DLG2: variants seen among roughly 807,000 people sequenced by gnomAD.
DLG2 encodes the protein discs large MAGUK scaffold protein 2, also known as disks large homolog 2.
Under a neutral mutation model 132.5 loss-of-function variants are expected in DLG2, and 45 were observed. The observed-to-expected ratio is 0.34, with a 90% CI of 0.27 to 0.44. The LOEUF (loss-of-function observed/expected upper bound fraction) is 0.44, where lower values mean the gene tolerates loss of function less well. DLG2 is among the 20% of genes least tolerant of loss of function. The pLI, the probability that DLG2 is intolerant of heterozygous loss-of-function variation, is 1.00. For synonymous variants in DLG2, 424 were observed against 419.6 expected, an observed-to-expected ratio of 1.01 and a Z score of -0.13; for missense variants, 1,045 against 1,196.9, an observed-to-expected ratio of 0.87 and a Z score of 1.87.
At chr11:85,563,821 T>A (rs910636428) in intron 3 of DLG2, among the ~76,000 whole-genome samples, 1 of 152,088 alleles carries the variant, frequency 6.6e-6, no homozygotes, top group African/African-American at 2.4e-5. Flanking sequence ...TTCATTTCCC[T>A]TAGGTAAATA....
At chr11:84,439,858 G>T (rs118180487) in intron 7 of DLG2, among the ~76,000 whole-genome samples, 1 of 152,142 alleles carries the variant, frequency 6.6e-6, no homozygotes, top group African/African-American at 2.4e-5. Flanking sequence ...TAACACCTTA[G>T]ACAGAATCAG....
At chr11:85,180,956 C>A (rs1302779326) in intron 4 of DLG2, among the ~76,000 whole-genome samples, 1 of 151,684 alleles carries the variant, frequency 6.6e-6, no homozygotes, top group Admixed American at 6.6e-5. Flanking sequence ...TTCCAAAATC[C>A]ATTCTGTTTC....
rs550362605 is a variant in DLG2 at position 84,935,891 on chromosome 11, T to C, written c.357+175770A>G. Reference sequence around the variant, plus strand: ...GCCTATCTTCAGAGTAAAACCTCCCTGACTTTTGTCTATAGGTCAGGTCTA... The same window carrying C: ...GCCTATCTTCAGAGTAAAACCTCCCCGACTTTTGTCTATAGGTCAGGTCTA... On this transcript the variant is annotated intron_variant, in intron 6 of 27. Transcript: ENST00000376104. Among the ~76,000 whole-genome samples the C allele has an allele frequency of 1.3e-4, 20 of 152,364 alleles. 1 individual carries two copies. The South Asian group carries it at 4.1e-3, about 32-fold the overall frequency.
At chr11:85,407,663 C>T (rs143868174) in intron 3 of DLG2, among the ~76,000 whole-genome samples, 87 of 151,772 alleles carry the variant, frequency 5.7e-4, no homozygotes, top group African/African-American at 2.0e-3. Flanking sequence ...GAGTATGTTA[C>T]CACACCAACT....
intron 6 of DLG2, among the ~76,000 whole-genome samples, chr11:84,562,344 A>C (rs1465386660): frequency 6.6e-6 from 1 of 152,038 alleles, no homozygotes; most frequent in Non-Finnish European, 1.5e-5. Flanking sequence ...TTTTAAAAAG[A>C]AAAAAAATTG....
intron 7 of DLG2, among the ~76,000 whole-genome samples, chr11:84,505,782 G>A (rs1591100574): frequency 6.6e-6 from 1 of 151,960 alleles, no homozygotes; most frequent in African/African-American, 2.4e-5. Context: ...GACATATGGG[G>A]AACAAGAAAT....
chr11:85,081,633 G>A (rs896888597), intron 6 of DLG2, among the ~76,000 whole-genome samples: 8 of 152,156 alleles, frequency 5.3e-5, no homozygotes, highest in Non-Finnish European at 1.0e-4. Context: ...GACAGGTGGT[G>A]GCTGGTCTTG....
Position 83,946,531 on chromosome 11 carries a change from G to A in DLG2, c.1341-16048C>T, listed in dbSNP as rs146337015. Among the ~76,000 whole-genome samples, 10 of 152,184 alleles carry A rather than the reference G, an allele frequency of 6.6e-5. No homozygotes were observed. The East Asian group carries it at 1.7e-3, about 26-fold the overall frequency. ...AGAGTTGAGAACTACAATTAGACCCGCTCTTTTTGAAAAAGGTCGGAAATA... is the reference window on the plus strand; with the variant it reads ...AGAGTTGAGAACTACAATTAGACCCACTCTTTTTGAAAAAGGTCGGAAATA... On this transcript the variant is annotated intron_variant, in intron 14 of 27. Coordinates refer to ENST00000376104, the MANE Select transcript of DLG2 (RefSeq NM_001142699.3).
intron 7 of DLG2, among the ~76,000 whole-genome samples, chr11:84,396,655 G>C (rs2098812117): frequency 6.6e-6 from 1 of 152,224 alleles, no homozygotes; most frequent in Non-Finnish European, 1.5e-5. Context: ...TCCTGCCTAA[G>C]AGGTACAACT....
chr11:84,483,877 C>A (rs945119512), intron 7 of DLG2, among the ~76,000 whole-genome samples: 3 of 152,146 alleles, frequency 2.0e-5, no homozygotes, highest in African/African-American at 7.2e-5. Context: ...GCCAGTGAGG[C>A]AACCAACTCT....
chr11:84,079,612 G>T (rs779866579), intron 10 of DLG2, among the ~76,000 whole-genome samples: 17 of 152,158 alleles, frequency 1.1e-4, no homozygotes, highest in Non-Finnish European at 2.4e-4. Flanking sequence ...TGCTATAACT[G>T]CAGGCACTCT....
intron 18 of DLG2, among the ~76,000 whole-genome samples, chr11:83,698,125 G>A (rs1190782646): frequency 2.6e-5 from 4 of 152,178 alleles, no homozygotes; most frequent in Non-Finnish European, 5.9e-5. Flanking sequence ...AATGTCACAG[G>A]GTTGTGATGG....
intron 7 of DLG2, among the ~76,000 whole-genome samples, chr11:84,307,792 G>A (rs552728768): frequency 6.6e-6 from 1 of 151,658 alleles, no homozygotes; most frequent in African/African-American, 2.4e-5. Flanking sequence ...TCTGATGTTC[G>A]GAGGTGTCTG....
At chr11:85,409,021 T>C (rs1384240962) in intron 3 of DLG2, among the ~76,000 whole-genome samples, 1 of 151,920 alleles carries the variant, frequency 6.6e-6, no homozygotes, top group African/African-American at 2.4e-5. Flanking sequence ...TTATTATTAT[T>C]ATTTCAATTT....
intron 3 of DLG2, among the ~76,000 whole-genome samples, chr11:85,434,685 G>C (rs1168064550): frequency 2.6e-5 from 4 of 152,016 alleles, no homozygotes; most frequent in Non-Finnish European, 4.4e-5. Context: ...GTAATAAATA[G>C]CCTACCAACC....
At chr11:83,892,112 T>C (rs554159779) in intron 15 of DLG2, among the ~76,000 whole-genome samples, 4 of 152,182 alleles carry the variant, frequency 2.6e-5, no homozygotes, top group Non-Finnish European at 1.5e-5. Context: ...CTTTCTCTGG[T>C]ATTCTTTTCG....
At chr11:84,040,379 T>C (rs1395208628) in intron 11 of DLG2, among the ~76,000 whole-genome samples, 1 of 152,006 alleles carries the variant, frequency 6.6e-6, no homozygotes, top group East Asian at 1.9e-4. Context: ...CTTTAATCCA[T>C]CTTGAATTGA....
chr11:84,415,368 A>T (rs1567573806), intron 7 of DLG2, among the ~76,000 whole-genome samples: 1 of 152,206 alleles, frequency 6.6e-6, no homozygotes, highest in Admixed American at 6.5e-5. Context: ...TGCATTAAAC[A>T]CATGATATTA....
intron 14 of DLG2, among the ~76,000 whole-genome samples, chr11:83,951,912 G>A (rs934651189): frequency 1.3e-5 from 2 of 152,176 alleles, no homozygotes; most frequent in Non-Finnish European, 2.9e-5. Flanking sequence ...GTGGCACATT[G>A]TGGATGTATT....
Sources: allele counts gnomAD v4.1 joint callset (sites outside exome capture counted in the v4.1 genomes callset), GRCh38; gene constraint gnomAD v4.1.1; transcripts MANE v1.5; gene names NCBI Gene and HGNC (gene_info 2026-07-23, HGNC 2026-07-21).